The following FLT1 variants were observed in gnomAD, a reference collection of about 807,000 sequenced individuals.
The protein encoded by FLT1 is vascular endothelial growth factor receptor 1.
FLT1 carries 49 observed loss-of-function variants against 156.3 expected under a neutral mutation model. That is an observed-to-expected ratio of 0.31 (90% confidence interval 0.25 to 0.40). The LOEUF (loss-of-function observed/expected upper bound fraction) is 0.40, where lower values mean the gene tolerates loss of function less well. Among genes scored for constraint, FLT1 ranks in the 10% least tolerant of loss-of-function variants. The pLI is 1.00. For synonymous variants in FLT1, 594 were observed against 583.8 expected, an observed-to-expected ratio of 1.02 and a Z score of -0.25; for missense variants, 1,322 against 1,637.2, an observed-to-expected ratio of 0.81 and a Z score of 3.32.
chr13:28,487,885 G>T lies in FLT1; in HGVS notation c.64+6895C>A, dbSNP rs562567887. On this transcript the variant is annotated intron_variant, in intron 1 of 29. Transcript: ENST00000282397. ...ACCTTGATCTCGCCACCCATGATTT[G>T]GTTAACCATGGTATTCTTCAAGACC... Among the ~76,000 whole-genome samples the T allele has an allele frequency of 2.6e-5, 4 of 151,842 alleles. No homozygotes were observed. In the East Asian group the frequency reaches 5.8e-4, roughly 22 times the overall value.
chr13:28,332,578 T>C (rs1252306802), intron 18 of FLT1, among the ~76,000 whole-genome samples: 1 of 152,126 alleles, frequency 6.6e-6, no homozygotes. Flanking sequence ...GGAGGCCAGG[T>C]CTCTGCAGCC....
At chr13:28,388,296 C>T (rs1874487966) in intron 13 of FLT1, 2 of 1,057,856 alleles carry the variant, frequency 1.9e-6, no homozygotes, top group Non-Finnish European at 2.3e-6. Flanking sequence ...AAAAGCAATT[C>T]CCACGTGAAA....
At chr13:28,308,620 C>T (rs1272882853) in intron 28 of FLT1, among the ~76,000 whole-genome samples, 7 of 152,228 alleles carry the variant, frequency 4.6e-5, no homozygotes, top group African/African-American at 1.7e-4. Flanking sequence ...ATTCCTACCA[C>T]GCAGGGACTT....
intron 15 of FLT1, chr13:28,345,763 T>C: frequency 2.0e-6 from 1 of 512,190 alleles, no homozygotes; most frequent in South Asian, 2.6e-5. Context: ...ATACATGAAC[T>C]CACATAATGA....
At chr13:28,452,064 A>G (rs1313208136) in intron 3 of FLT1, among the ~76,000 whole-genome samples, 4 of 152,234 alleles carry the variant, frequency 2.6e-5, no homozygotes, top group Admixed American at 6.5e-5. Context: ...GCTATTAAGC[A>G]TTGGCAGCTA....
intron 13 of FLT1, among the ~76,000 whole-genome samples, 190 bp from the exon 14 acceptor site, chr13:28,385,221 A>G (rs1874289670): frequency 6.6e-6 from 1 of 152,240 alleles, no homozygotes; most frequent in Admixed American, 6.5e-5. Flanking sequence ...ATAAATTGAA[A>G]TTTATTACAA....
intron 20 of FLT1, among the ~76,000 whole-genome samples, chr13:28,324,032 A>C (rs1331921677): frequency 2.0e-5 from 3 of 152,120 alleles, no homozygotes; most frequent in African/African-American, 4.8e-5. Flanking sequence ...TACTTTTCTG[A>C]GTTTAATTAT....
In FLT1 at chr13:28,321,611, A is replaced by G. The variant is rs761433227; in HGVS notation, c.3052-26T>C. 75 of 1,613,194 alleles carry G rather than the reference A, an allele frequency of 4.6e-5. 1 individual carries two copies. The highest frequency in any genetic ancestry group is 5.6e-5 in the Non-Finnish European group (66 of 1,179,364). ...CTATAATAAAACAGTTGCATAATCA[A>G]TGCATTTCCTTAACCTAACCAACTA... On this transcript the variant is annotated intron_variant, in intron 22 of 29. Transcript: ENST00000282397.
intron 10 of FLT1, among the ~76,000 whole-genome samples, chr13:28,412,364 C>CTT (rs1315276522): frequency 4.2e-4 from 34 of 80,734 alleles, no homozygotes; most frequent in African/African-American, 1.1e-3. Context: ...TTCTTTCTTT[C>CTT]TTTCTTTCTT....
At chr13:28,340,396 T>C (rs1015967207) in intron 16 of FLT1, among the ~76,000 whole-genome samples, 4 of 152,126 alleles carry the variant, frequency 2.6e-5, no homozygotes, top group Admixed American at 2.6e-4. Context: ...ATACCCTTCA[T>C]TTCAGATCAT....
chr13:28,308,814 GCACTAGGTACCTTAACTT>G lies in FLT1; in HGVS notation c.3720+11_3720+28del. On this transcript the variant is annotated intron_variant, in intron 28 of 29. Transcript: ENST00000282397. ...ATCTGAAGAAGGGGTCTATCGGGGT[GCACTAGGTACCTTAACTT>G]CACGACTTACATCAAACATGGAGGT... 7.3e-7 allele frequency: 1 copy of G among 1,372,378 alleles called. No homozygotes were observed. The highest frequency in any genetic ancestry group is 1.2e-5 in the South Asian group (1 of 86,128). The allele number at this position is 1,372,378 out of a possible 1,614,324, so 85.0% of individuals were successfully genotyped here.
Position 28,322,901 on chromosome 13 carries a change from C to T in FLT1, c.2842G>A (p.Gly948Ser), listed in dbSNP as rs748540253. The change falls in exon 21 of 30, where the codon GGC (glycine) becomes AGC (serine). Residue 948 changes from glycine (G) to serine (S), a missense_variant. By Grantham distance (56) the Gly-to-Ser change is moderately conservative. Coordinates refer to ENST00000282397, the MANE Select transcript of FLT1 (RefSeq NM_002019.4). The surrounding 1 kb of genome is among the most constrained non-coding windows in gnomAD (Gnocchi z 4.3). ...CTTGGTTTCTTGCCTTGTTCCAGGC[C>T]TGGCTCCATTTTTTCTTTCTTAGGC... ...MEPKKEKMEP[G>S]LEQGKKPRLD... 3.1e-6 allele frequency: 5 copies of T among 1,614,036 alleles called. No individual in the cohort carries two copies. Among genetic ancestry groups the T allele is most frequent in the African/African-American group, 1.3e-5 (1 of 74,898 alleles).
chr13:28,312,306 G>A (rs1413204341), intron 25 of FLT1, among the ~76,000 whole-genome samples: 2 of 152,160 alleles, frequency 1.3e-5, no homozygotes, highest in Non-Finnish European at 2.9e-5. Flanking sequence ...TGGAAAACAC[G>A]TCTACCAAGG....
rs957606439 is a variant in FLT1, at chr13:28,327,663, G to A, written c.2708-113C>T. The stretch of plus-strand genomic sequence containing the variant: ...ACCAACCAGCCTTTGTATTAGTGGG[G>A]CGAAGGGATGCGATTTAGGGATGAG... On this transcript the variant is annotated intron_variant, in intron 19 of 29. Transcript: ENST00000282397. 9.1e-5 allele frequency: 66 copies of A among 727,060 alleles called. No individual in the cohort carries two copies. In the Middle Eastern group the frequency reaches 9.2e-4, roughly 10 times the overall value. The allele number at this position is 727,060 out of a possible 1,614,324, so 45.0% of individuals were successfully genotyped here.
At chr13:28,438,492 G>C (rs977859391) in intron 3 of FLT1, 147 bp from the exon 4 acceptor site, 1 of 689,638 alleles carries the variant, frequency 1.5e-6, no homozygotes, top group Admixed American at 2.5e-5. Context: ...CTTTGTCTCT[G>C]AATTTGGCCC....
At chr13:28,441,598 A>G (rs149720926) in intron 3 of FLT1, among the ~76,000 whole-genome samples, 328 of 152,238 alleles carry the variant, frequency 2.2e-3, no homozygotes, top group African/African-American at 7.5e-3. Flanking sequence ...AAAAATATAA[A>G]TATATATTGA....
chr13:28,474,507 C>CACACACACACACACACACAG (rs1193451656), intron 1 of FLT1, among the ~76,000 whole-genome samples: 202 of 150,696 alleles, frequency 1.3e-3, no homozygotes, highest in African/African-American at 4.6e-3. Context: ...CACACACACA[C>CACACACACACACACACACAG]ACACACACAC....
intron 24 of FLT1, among the ~76,000 whole-genome samples, 175 bp downstream of exon 24, chr13:28,319,248 G>A (rs1044029698): frequency 2.0e-5 from 3 of 152,158 alleles, no homozygotes; most frequent in African/African-American, 7.2e-5. Context: ...TTACAGTAGA[G>A]GGCAGACATG....
intron 10 of FLT1, among the ~76,000 whole-genome samples, chr13:28,415,165 C>G (rs1336122824): frequency 6.6e-6 from 1 of 152,184 alleles, no homozygotes; most frequent in African/African-American, 2.4e-5. Context: ...AAGATAGGCA[C>G]AAATATTGGC....
Sources: gnomAD v4.1 joint callset for allele counts (sites outside exome capture counted in the v4.1 genomes callset) on GRCh38, gnomAD v4.1.1 for gene constraint, Gnocchi (gnomAD v3.1) non-coding constraint, MANE v1.5 for transcripts, NCBI Gene and HGNC (gene_info 2026-07-23, HGNC 2026-07-21) for gene names.